The following SUCLG2 variants were observed in gnomAD, a reference collection of about 807,000 sequenced individuals.
The protein encoded by SUCLG2 is succinate-CoA ligase GDP-forming subunit beta.
Under a neutral mutation model 47.9 loss-of-function variants are expected in SUCLG2, and 42 were observed. The ratio of observed to expected loss-of-function variants is 0.88; its 90% CI spans 0.69 to 1.14. SUCLG2 has a LOEUF of 1.14. Ranked by LOEUF, SUCLG2 falls within the 50% of genes most tolerant of loss-of-function variation. SUCLG2 has a pLI of 0.00. For missense variants in SUCLG2, 571 were observed against 525.9 expected (o/e 1.09, Z -0.84); for synonymous variants, 195 against 197.3 (o/e 0.99, Z 0.10).
chr3:67,539,640 G>C (rs186599785), intron 2 of SUCLG2, among the ~76,000 whole-genome samples: 45 of 152,268 alleles, frequency 3.0e-4, no homozygotes, highest in African/African-American at 1.1e-3. Flanking sequence ...AATGGTACCA[G>C]CTCCTCTTTG....
intron 2 of SUCLG2, among the ~76,000 whole-genome samples, chr3:67,535,104 A>G (rs906298963): frequency 6.6e-6 from 1 of 152,162 alleles, no homozygotes; most frequent in Non-Finnish European, 1.5e-5. Context: ...ATGAAAGCCA[A>G]AAGTATTTCT....
intron 1 of SUCLG2, among the ~76,000 whole-genome samples, chr3:67,648,863 C>T (rs1016979993): frequency 6.6e-6 from 1 of 152,158 alleles, no homozygotes; most frequent in Non-Finnish European, 1.5e-5. Context: ...ACCACAAATG[C>T]TTACTGAATA....
chr3:67,461,879 G>C (rs567196032), intron 9 of SUCLG2, among the ~76,000 whole-genome samples: 3 of 152,166 alleles, frequency 2.0e-5, no homozygotes, highest in East Asian at 2.0e-4. Context: ...AGTGAGGAGG[G>C]AGAGGAAGAA....
chr3:67,451,045 G>A (rs930618341), intron 9 of SUCLG2, among the ~76,000 whole-genome samples: 1 of 152,152 alleles, frequency 6.6e-6, no homozygotes, highest in African/African-American at 2.4e-5. Flanking sequence ...TATGAGGAAG[G>A]TCTTCCTTCC....
intron 9 of SUCLG2, among the ~76,000 whole-genome samples, chr3:67,485,261 T>A (rs892816043): frequency 1.3e-5 from 2 of 152,184 alleles, no homozygotes; most frequent in Admixed American, 6.5e-5. Context: ...TGTAGCTTGG[T>A]CCTGAATTAT....
chr3:67,562,733 A>G (rs1487804383), intron 2 of SUCLG2, among the ~76,000 whole-genome samples: 3 of 152,226 alleles, frequency 2.0e-5, no homozygotes, highest in Non-Finnish European at 1.5e-5. Flanking sequence ...TCACCTCATA[A>G]TGACACTGAA....
chr3:67,576,145 T>C (rs1707736756), intron 2 of SUCLG2, among the ~76,000 whole-genome samples: 1 of 152,202 alleles, frequency 6.6e-6, no homozygotes. Context: ...GACATGACTA[T>C]TGCCATGAGA....
chr3:67,496,718 T>C (rs1373796010), intron 8 of SUCLG2, among the ~76,000 whole-genome samples: 2 of 152,194 alleles, frequency 1.3e-5, no homozygotes, highest in Non-Finnish European at 2.9e-5. Context: ...AAGTCTTGTT[T>C]TCCAGAGCTA....
chr3:67,425,408 G>T (rs929798390), intron 9 of SUCLG2, among the ~76,000 whole-genome samples: 2 of 152,142 alleles, frequency 1.3e-5, no homozygotes, highest in Non-Finnish European at 2.9e-5. Flanking sequence ...TTCTGAGGGT[G>T]TCTGAGAGTG....
intron 2 of SUCLG2, among the ~76,000 whole-genome samples, chr3:67,555,512 A>G (rs1707134971): frequency 6.6e-6 from 1 of 152,198 alleles, no homozygotes; most frequent in Non-Finnish European, 1.5e-5. Flanking sequence ...TTTCCCAAAA[A>G]CAACCAGGGT....
intron 8 of SUCLG2, among the ~76,000 whole-genome samples, chr3:67,496,635 A>G (rs955663293): frequency 3.3e-5 from 5 of 152,224 alleles, no homozygotes; most frequent in Admixed American, 6.5e-5. Flanking sequence ...CCCAACCGTT[A>G]AAACTGGAAC....
chr3:67,581,196 C>T (rs904119089), intron 2 of SUCLG2, among the ~76,000 whole-genome samples: 1 of 152,162 alleles, frequency 6.6e-6, no homozygotes, highest in African/African-American at 2.4e-5. Context: ...TTAGCACTTT[C>T]TTTAGTCATT....
chr3:67,585,435 A>T (rs1343047901), intron 2 of SUCLG2, among the ~76,000 whole-genome samples: 1 of 152,230 alleles, frequency 6.6e-6, no homozygotes, highest in Non-Finnish European at 1.5e-5. Context: ...GGATAAGGGA[A>T]CATATAATGA....
intron 2 of SUCLG2, among the ~76,000 whole-genome samples, chr3:67,538,751 G>A (rs1706616953): frequency 6.6e-6 from 1 of 152,124 alleles, no homozygotes; most frequent in South Asian, 2.1e-4. Flanking sequence ...GTGGTTTGTA[G>A]TCCTCCTTGA....
chr3:67,468,629 C>G (rs1182834130), intron 9 of SUCLG2, among the ~76,000 whole-genome samples: 1 of 152,144 alleles, frequency 6.6e-6, no homozygotes, highest in Non-Finnish European at 1.5e-5. Flanking sequence ...CAATGAGATG[C>G]CAGGCATATG....
chr3:67,390,165 T>C (rs2106787542), intron 10 of SUCLG2, among the ~76,000 whole-genome samples: 1 of 152,346 alleles, frequency 6.6e-6, no homozygotes, highest in Admixed American at 6.5e-5. Context: ...CAAAACCCAG[T>C]GGCACATTTT....
At chr3:67,427,938 G>A (rs1206524356) in intron 9 of SUCLG2, among the ~76,000 whole-genome samples, 4 of 152,214 alleles carry the variant, frequency 2.6e-5, no homozygotes, top group African/African-American at 2.4e-5. Flanking sequence ...CATTGCTGAG[G>A]CTTGAGTAGG....
At chr3:67,447,328 G>T (rs1272233125) in intron 9 of SUCLG2, among the ~76,000 whole-genome samples, 1 of 152,070 alleles carries the variant, frequency 6.6e-6, no homozygotes, top group African/African-American at 2.4e-5. Context: ...ACCAAAAAGT[G>T]ACTGTTTAAA....
chr3:67,481,124 A>G (rs552445471), intron 9 of SUCLG2, among the ~76,000 whole-genome samples: 1 of 152,326 alleles, frequency 6.6e-6, no homozygotes, highest in Non-Finnish European at 1.5e-5. Flanking sequence ...TAACTCATTG[A>G]CTTGTATTAT....
Sources: allele counts gnomAD v4.1 joint callset (sites outside exome capture counted in the v4.1 genomes callset), GRCh38; gene constraint gnomAD v4.1.1; transcripts MANE v1.5; gene names NCBI Gene and HGNC (gene_info 2026-07-23, HGNC 2026-07-21).